FAM151A: variants seen among roughly 807,000 people sequenced by gnomAD.
FAM151A encodes family with sequence similarity 151 member A.
A neutral mutation model predicts 40.4 loss-of-function variants in FAM151A; 41 were observed. The ratio of observed to expected loss-of-function variants is 1.01; its 90% CI spans 0.79 to 1.32. The LOEUF (loss-of-function observed/expected upper bound fraction) is 1.32, where lower values mean the gene tolerates loss of function less well. Ranked by LOEUF, FAM151A falls within the 40% of genes most tolerant of loss-of-function variation. The pLI is 0.00. For missense variants in FAM151A, 740 were observed against 740.4 expected (o/e 1.00, Z 0.01); for synonymous variants, 337 against 312.5 (o/e 1.08, Z -0.83).
In FAM151A at chr1:54,610,108, T is replaced by A; in HGVS notation, c.1085-167A>T. On this transcript the variant is annotated intron_variant, in intron 7 of 7. Transcript: ENST00000302250. ...CCAGGTGGATGGGTTGCTTTATAAA[T>A]GTGCCTGGTGCATGAGAAACTCTTG... 41 of 1,433,874 alleles carry A rather than the reference T, an allele frequency of 2.9e-5. No individual in the cohort carries two copies. The South Asian group carries it at 6.0e-4, about 21-fold the overall frequency. The allele number at this position is 1,433,874 out of a possible 1,614,324, so 88.8% of individuals were successfully genotyped here. A position where few individuals can be genotyped will look rare whatever the true frequency, so the allele number is the denominator to read the frequency against.
chr1:54,609,681 G>A lies in FAM151A; in HGVS notation c.1345C>T (p.His449Tyr). The A allele has an allele frequency of 6.2e-7, 1 of 1,614,042 alleles. No homozygotes were observed. Among genetic ancestry groups the A allele is most frequent in the Non-Finnish European group, 8.5e-7 (1 of 1,180,026 alleles). Reference sequence around the variant, plus strand: ...TGGCCGGGGACCGAAAAACTCCCGTGGGAGATTTTGGCCCCAACCCACACA... The same window carrying A: ...TGGCCGGGGACCGAAAAACTCCCGTAGGAGATTTTGGCCCCAACCCACACA... Reference protein sequence around the residue: ...WPVWVGAKISHGSFSVPGHVA... With the variant: ...WPVWVGAKISYGSFSVPGHVA... Residue 449 changes from histidine to tyrosine, a missense_variant, in exon 8 of 8, where the codon CAC becomes TAC. Physicochemically the swap from His to Tyr is moderately conservative, Grantham distance 83 (BLOSUM62 2). Transcript: ENST00000302250.
At chr1:54,614,577 A>G (rs892423472) in intron 4 of FAM151A, 123 bp downstream of exon 4, 2 of 974,068 alleles carry the variant, frequency 2.1e-6, no homozygotes, top group African/African-American at 1.7e-5. Flanking sequence ...GCAAAGGCTC[A>G]GAGGTGAGGC....
chr1:54,615,969 C>T (rs1358671387), intron 3 of FAM151A, 51 bp downstream of exon 3: 4 of 1,596,280 alleles, frequency 2.5e-6, no homozygotes, highest in East Asian at 2.2e-5. Flanking sequence ...CACATGCTGC[C>T]CCAGGGCCAG....
Position 54,610,427 on chromosome 1 carries a change from T to C in FAM151A, c.1069A>G (p.Thr357Ala), listed in dbSNP as rs775735591. ...PDVQGSGKTATMTLPDTEGMI... is the reference protein window; with the variant it reads ...PDVQGSGKTAAMTLPDTEGMI... ...TAGACCTTACCTGGGAGGGTCATTG[T>C]TGCTGTTTTACCGCTGCCCTGGACG... The change falls in exon 7 of 8, where the codon ACA becomes GCA. Residue 357 changes from threonine to alanine, a missense_variant. Physicochemically the swap from Thr to Ala is moderately conservative, Grantham distance 58 (BLOSUM62 0). Transcript: ENST00000302250. 6.2e-7 allele frequency: 1 copy of C among 1,613,492 alleles called. No individual in the cohort carries two copies. Among genetic ancestry groups the C allele is most frequent in the South Asian group, 1.1e-5 (1 of 91,032 alleles).
chr1:54,611,581 C>T (rs761557479), intron 6 of FAM151A, 25 bp downstream of exon 6: 35 of 1,612,350 alleles, frequency 2.2e-5, no homozygotes, highest in Non-Finnish European at 2.8e-5. Flanking sequence ...CAGCCCACAC[C>T]ACCCTTCCCA....
chr1:54,611,598 C>G lies in FAM151A; in HGVS notation c.940+8G>C. On this transcript the variant is annotated splice_region_variant and intron_variant, in intron 6 of 7. Transcript: ENST00000302250. ...GCCCACACCACCCTTCCCAATTCCT[C>G]TCCTTACAGGCCAGCTGCTTGAACT... The G allele has an allele frequency of 6.2e-7, 1 of 1,613,606 alleles. No individual in the cohort carries two copies. The highest frequency in any genetic ancestry group is 8.5e-7 in the Non-Finnish European group (1 of 1,179,724).
chr1:54,613,803 C>T (rs1569786243), intron 4 of FAM151A, among the ~76,000 whole-genome samples: 2 of 152,136 alleles, frequency 1.3e-5, no homozygotes, highest in South Asian at 2.1e-4. Context: ...TTTTGGAAGG[C>T]ACCTCAGCTT....
At chr1:54,611,087 A>G in intron 6 of FAM151A, 1 of 908,422 alleles carries the variant, frequency 1.1e-6, no homozygotes, top group Non-Finnish European at 1.3e-6. Context: ...AAATTCCTGA[A>G]CTGTTTTGAG....
At position 54,623,452 on chromosome 1, in the gene FAM151A, C is replaced by T. The variant is rs969007180; in HGVS notation, c.-57G>A. On this transcript the variant is annotated 5_prime_UTR_variant, in exon 1 of 8. Transcript: ENST00000302250. Reference sequence around the variant, plus strand: ...CGTGCGGCCCAGAGTCCCTGAGGCTCCCTGCAGCTGGAATCCTGTGGGAGG... The same window carrying T: ...CGTGCGGCCCAGAGTCCCTGAGGCTTCCTGCAGCTGGAATCCTGTGGGAGG... 1 of 1,339,656 alleles carries T rather than the reference C, an allele frequency of 7.5e-7. No homozygotes were observed. Among genetic ancestry groups the T allele is most frequent in the African/African-American group, 1.4e-5 (1 of 69,476 alleles). The allele number at this position is 1,339,656 out of a possible 1,614,324, so 83.0% of individuals were successfully genotyped here.
In FAM151A at chr1:54,609,536, A is replaced by G. The variant is rs146657009; in HGVS notation, c.1490T>C (p.Met497Thr). The change falls in exon 8 of 8, where the codon ATG (methionine) becomes ACG (threonine). Residue 497 changes from methionine (M) to threonine (T), a missense_variant. Met to Thr is a moderately conservative substitution (Grantham distance 81). Coordinates refer to ENST00000302250, the MANE Select transcript of FAM151A (RefSeq NM_176782.3). Reference sequence around the variant, plus strand: ...CCAGAGCCCCTGGCACAACTCTAGCATATCTGTGAGCAGCTGTTCCCTGTA... The same window carrying G: ...CCAGAGCCCCTGGCACAACTCTAGCGTATCTGTGAGCAGCTGTTCCCTGTA... ...SGYREQLLTDMLELCQGLWQP... is the reference protein window; with the variant it reads ...SGYREQLLTDTLELCQGLWQP... 481 of 1,612,866 alleles carry G rather than the reference A, an allele frequency of 3.0e-4. 2 individuals carry two copies. Among genetic ancestry groups the G allele is most frequent in the Middle Eastern group, 2.3e-3 (14 of 6,066 alleles).
At chr1:54,614,964 G>GCACACGCACA in intron 3 of FAM151A, 105 bp from the exon 4 acceptor site, 1 of 1,182,530 alleles carries the variant, frequency 8.5e-7, no homozygotes, top group Non-Finnish European at 1.2e-6. Flanking sequence ...GCATGTGCGT[G>GCACACGCACA]CACAGTGGAG....
rs1482484299 is a variant in FAM151A, at chr1:54,623,418, C to T, written c.-23G>A. The T allele has an allele frequency of 1.9e-6, 3 of 1,587,116 alleles. No homozygotes were observed. Among genetic ancestry groups the T allele is most frequent in the African/African-American group, 1.3e-5 (1 of 74,372 alleles). Reference sequence around the variant, plus strand: ...CATGGCGACGCTCTCTGGGGAATGCCCCCAACTCCGTGCGGCCCAGAGTCC... The same window carrying T: ...CATGGCGACGCTCTCTGGGGAATGCTCCCAACTCCGTGCGGCCCAGAGTCC... On this transcript the variant is annotated 5_prime_UTR_variant, in exon 1 of 8. Coordinates refer to ENST00000302250, the MANE Select transcript of FAM151A (RefSeq NM_176782.3).
chr1:54,609,476 A>C lies in FAM151A; in HGVS notation c.1550T>G (p.Leu517Arg). 1 of 1,613,498 alleles carries C rather than the reference A, an allele frequency of 6.2e-7. No homozygotes were observed. Among genetic ancestry groups the C allele is most frequent in the Non-Finnish European group, 8.5e-7 (1 of 1,180,018 alleles). The part of the protein sequence containing the change: ...PVSFQMQAML[L>R]GHSTAGAIGR... The stretch of plus-strand genomic sequence containing the variant: ...TATGGCTCCAGCTGTGCTGTGGCCC[A>C]GCAGCATGGCCTGCATCTGGAAGGA... Residue 517 changes from leucine to arginine, a missense_variant, in exon 8 of 8, where the codon CTG becomes CGG. Physicochemically the swap from Leu to Arg is moderately radical, Grantham distance 102 (BLOSUM62 -2). Transcript: ENST00000302250.
intron 4 of FAM151A, 39 bp from the exon 5 acceptor site, chr1:54,612,749 A>G: frequency 6.6e-7 from 1 of 1,521,882 alleles, no homozygotes; most frequent in Non-Finnish European, 9.1e-7. Context: ...ACGGAGCTGC[A>G]GCGGCCCCTT....
chr1:54,619,862 A>C lies in FAM151A; in HGVS notation c.262+2T>G, dbSNP rs1366014834. The C allele has an allele frequency of 1.9e-5, 31 of 1,613,542 alleles. No homozygotes were observed. The highest frequency in any genetic ancestry group is 2.5e-5 in the Non-Finnish European group (29 of 1,179,940). On this transcript the variant is annotated splice_donor_variant, in intron 2 of 7. Transcript: ENST00000302250. LOFTEE classifies it high-confidence loss of function. Reference sequence around the variant, plus strand: ...TGCCTCAGTCTTGGCAGCTGGACTTACTGTTCAGGGCAGCTGTCATGGCTT... The same window carrying C: ...TGCCTCAGTCTTGGCAGCTGGACTTCCTGTTCAGGGCAGCTGTCATGGCTT...
rs763437918 is a variant in FAM151A at position 54,609,896 on chromosome 1, A to T, written c.1130T>A (p.Val377Glu). Residue 377 changes from valine to glutamate, a missense_variant, in exon 8 of 8, where the codon GTG becomes GAG. Coordinates refer to ENST00000302250, the MANE Select transcript of FAM151A (RefSeq NM_176782.3). ...ILLNTGLEGT[V>E]AENPVPIVHT... ...AACAATGGGCACGGGGTTTTCAGCC[A>T]CAGTTCCCTCGAGGCCAGTGTTCAG... 8.1e-6 allele frequency: 13 copies of T among 1,611,988 alleles called. No individual in the cohort carries two copies. The South Asian group carries it at 1.4e-4, about 18-fold the overall frequency.
chr1:54,612,320 G>A (rs1431769002), intron 5 of FAM151A, among the ~76,000 whole-genome samples, 166 bp downstream of exon 5: 1 of 151,796 alleles, frequency 6.6e-6, no homozygotes, highest in Non-Finnish European at 1.5e-5. Flanking sequence ...TGAGTAGCCC[G>A]TCACCAGAGG....
At position 54,611,738 on chromosome 1, in the gene FAM151A, G is replaced by A; in HGVS notation, c.808C>T (p.Leu270=). ...WLLSQSERYS[L]TLWQAASDPM... ...TCCGAGGCAGCCTGCCACAGCGTCA[G>A]GCTGTACCTGGGGACACGAGAGCTG... The change falls in exon 6 of 8, where the codon CTG becomes TTG. Residue 270 remains leucine, a synonymous_variant. Transcript: ENST00000302250. 6.2e-7 allele frequency: 1 copy of A among 1,614,126 alleles called. No individual in the cohort carries two copies. Among genetic ancestry groups the A allele is most frequent in the South Asian group, 1.1e-5 (1 of 91,086 alleles).
chr1:54,623,348 A>G lies in FAM151A; in HGVS notation c.48T>C (p.Phe16=), dbSNP rs1319670389. 1.2e-6 allele frequency: 2 copies of G among 1,613,744 alleles called. No individual in the cohort carries two copies. The highest frequency in any genetic ancestry group is 8.5e-7 in the Non-Finnish European group (1 of 1,179,958). ...QLSKNQVKWV[F]AGITCVSVVV... is the part of the protein sequence containing the mutation. ...CCACAGACACACAGGTAATGCCGGC[A>G]AACACCCACTTGACCTGATTCTTTG... is the stretch of plus-strand genomic sequence containing the variant. Residue 16 remains phenylalanine, a synonymous_variant, in exon 1 of 8, where the codon TTT becomes TTC. Transcript: ENST00000302250.
Sources: allele counts gnomAD v4.1 joint callset (sites outside exome capture counted in the v4.1 genomes callset), GRCh38; gene constraint gnomAD v4.1.1; transcripts MANE v1.5; gene names NCBI Gene and HGNC (gene_info 2026-07-23, HGNC 2026-07-21).